Variants in TTC6 observed in about 807,000 individuals in gnomAD.
The protein encoded by TTC6 is tetratricopeptide repeat protein 6.
In TTC6, 172 loss-of-function variants were observed where a neutral mutation model predicts 210.4. The ratio of observed to expected loss-of-function variants is 0.82; its 90% CI spans 0.72 to 0.93. TTC6 has a LOEUF of 0.93. Among genes scored for constraint, TTC6 ranks in the 40% least tolerant of loss-of-function variants. The probability of loss-of-function intolerance (pLI) is 0.00; values close to 1 mark genes in which losing one functional copy is unlikely to be tolerated. For synonymous variants in TTC6, 804 were observed against 819.6 expected, an observed-to-expected ratio of 0.98 and a Z score of 0.32; for missense variants, 2,414 against 2,318.1, an observed-to-expected ratio of 1.04 and a Z score of -0.85.
chr14:37,707,705 A>G (rs1034279437), intron 5 of TTC6, among the ~76,000 whole-genome samples: 2 of 152,064 alleles, frequency 1.3e-5, no homozygotes, highest in Non-Finnish European at 2.9e-5. Context: ...TTTGAATGCT[A>G]TATTTCATTT....
chr14:37,649,806 G>A (rs1235865120), intron 1 of TTC6, among the ~76,000 whole-genome samples: 1 of 152,182 alleles, frequency 6.6e-6, no homozygotes, highest in Non-Finnish European at 1.5e-5. Flanking sequence ...CCAAGGCAAC[G>A]TATAGTTAGT....
chr14:37,797,206 A>G (rs1490818790), intron 20 of TTC6, among the ~76,000 whole-genome samples: 1 of 152,050 alleles, frequency 6.6e-6, no homozygotes, highest in African/African-American at 2.4e-5. Context: ...GGTGGTATGT[A>G]GAGAATGTGA....
At chr14:37,596,599 C>A (rs972214622) in intron 1 of TTC6, among the ~76,000 whole-genome samples, 1 of 152,106 alleles carries the variant, frequency 6.6e-6, no homozygotes, top group Admixed American at 6.5e-5. Flanking sequence ...GGAGATGGTG[C>A]GTGTGTTTTG....
chr14:37,636,058 C>T (rs2095680117), intron 1 of TTC6, among the ~76,000 whole-genome samples: 1 of 146,338 alleles, frequency 6.8e-6, no homozygotes, highest in Admixed American at 6.8e-5. Context: ...GTAAAAGGAT[C>T]AACACACCAG....
chr14:37,622,766 C>A, exon 1 of TTC6: 2 of 1,534,690 alleles, frequency 1.3e-6, no homozygotes, highest in Non-Finnish European at 1.7e-6. Flanking sequence ...TGAGCGAGAG[C>A]GGGGCCCGCG....
At chr14:37,623,525 T>G (rs1362810876) in intron 1 of TTC6, among the ~76,000 whole-genome samples, 1 of 152,238 alleles carries the variant, frequency 6.6e-6, no homozygotes, top group Non-Finnish European at 1.5e-5. Context: ...TTCCCAATCA[T>G]AGAGATTTGT....
intron 1 of TTC6, among the ~76,000 whole-genome samples, chr14:37,641,977 C>T (rs1401547682): frequency 6.6e-6 from 1 of 152,192 alleles, no homozygotes; most frequent in African/African-American, 2.4e-5. Context: ...TGTTTTTATT[C>T]GGATTGCATC....
intron 17 of TTC6, 65 bp from the exon 20 acceptor site, chr14:37,795,205 G>A (rs1272146525): frequency 6.2e-6 from 7 of 1,129,794 alleles, no homozygotes; most frequent in Admixed American, 2.3e-5. Flanking sequence ...GGTGGGAGAG[G>A]ATAAATATCA....
intron 6 of TTC6, among the ~76,000 whole-genome samples, chr14:37,716,438 A>C (rs534059776): frequency 6.6e-6 from 1 of 152,110 alleles, no homozygotes; most frequent in Admixed American, 6.6e-5. Context: ...TAATATTTAC[A>C]AGAAACAAAT....
intron 14 of TTC6, among the ~76,000 whole-genome samples, chr14:37,770,108 C>T (rs1230378177): frequency 8.5e-5 from 13 of 152,086 alleles, no homozygotes; most frequent in Admixed American, 2.6e-4. Context: ...TGTAGTTGAG[C>T]GGTTTTGAGT....
chr14:37,701,421 C>T (rs896521522), exon 5 of TTC6: 3 of 1,533,340 alleles, frequency 2.0e-6, no homozygotes, highest in African/African-American at 2.7e-5. Context: ...CGCCTGGCTT[C>T]TCGAGTGTAT....
chr14:37,638,791 T>C (rs1448374627), intron 1 of TTC6, among the ~76,000 whole-genome samples: 1 of 152,226 alleles, frequency 6.6e-6, no homozygotes, highest in Non-Finnish European at 1.5e-5. Context: ...TTCTTAGAAC[T>C]GAATATGAAT....
chr14:37,807,563 A>C (rs1459365891), intron 23 of TTC6, 103 bp downstream of exon 25: 2 of 1,010,918 alleles, frequency 2.0e-6, no homozygotes, highest in Non-Finnish European at 2.7e-6. Context: ...GTTGGGAATC[A>C]CTATGATATG....
rs921923614 is a variant in TTC6 at position 37,616,879 on chromosome 14, A to T, written c.-154-5171A>T. On this transcript the variant is annotated intron_variant, in intron 2 of 2. Coordinates refer to the TTC6 transcript ENST00000556845. ...CATCATTTTATTTTTATTTATTCTT[A>T]AAAAAAATTATTTTTATTTAAGACA... Among the ~76,000 whole-genome samples, 7 of 151,104 alleles carry T rather than the reference A, an allele frequency of 4.6e-5. No homozygotes were observed. In the East Asian group the frequency reaches 1.2e-3, roughly 25 times the overall value.
intron 1 of TTC6, among the ~76,000 whole-genome samples, chr14:37,626,456 A>G (rs2095660442): frequency 6.6e-6 from 1 of 152,234 alleles, no homozygotes; most frequent in Admixed American, 6.5e-5. Flanking sequence ...CAAAAATGTT[A>G]TGTTATAAAA....
At chr14:37,638,016 C>A (rs2139371151) in intron 1 of TTC6, among the ~76,000 whole-genome samples, 1 of 152,268 alleles carries the variant, frequency 6.6e-6, no homozygotes, top group South Asian at 2.1e-4. Context: ...TTTATGCTTG[C>A]ATGAAAATCT....
chr14:37,817,986 C>T (rs921097708), intron 26 of TTC6, among the ~76,000 whole-genome samples: 18 of 152,050 alleles, frequency 1.2e-4, no homozygotes, highest in African/African-American at 2.9e-4. Context: ...ATGCATAGCT[C>T]GAAATATCTA....
At chr14:37,655,582 C>T (rs1249326307) in intron 1 of TTC6, among the ~76,000 whole-genome samples, 1 of 152,142 alleles carries the variant, frequency 6.6e-6, no homozygotes, top group Non-Finnish European at 1.5e-5. Context: ...TATGTGACTT[C>T]CCTGTTCTAG....
intron 5 of TTC6, among the ~76,000 whole-genome samples, chr14:37,708,623 T>G (rs35942161): frequency 0.057 from 8,728 of 152,196 alleles, 387 homozygotes; most frequent in Non-Finnish European, 0.09. Flanking sequence ...CTCATTCTGT[T>G]TTTAGGACCA....
Sources: allele counts gnomAD v4.1 joint callset (sites outside exome capture counted in the v4.1 genomes callset), GRCh38; gene constraint gnomAD v4.1.1; transcripts MANE v1.5; gene names NCBI Gene and HGNC (gene_info 2026-07-23, HGNC 2026-07-21).